The following TRAPPC9 variants were observed in gnomAD, a reference collection of about 807,000 sequenced individuals.
TRAPPC9 encodes the protein IKK2 binding protein.
Under a neutral mutation model 124.0 loss-of-function variants are expected in TRAPPC9, and 83 were observed. The observed-to-expected ratio is 0.67, with a 90% CI of 0.56 to 0.80. TRAPPC9 has a LOEUF of 0.80. TRAPPC9 is among the 30% of genes least tolerant of loss of function. The pLI is 0.00. For synonymous variants in TRAPPC9, 638 were observed against 617.5 expected (o/e 1.03, Z -0.49); for missense variants, 1,302 against 1,508.3 (o/e 0.86, Z 2.27).
intron 9 of TRAPPC9, among the ~76,000 whole-genome samples, chr8:140,349,190 G>A (rs2067447950): frequency 7.2e-6 from 1 of 138,684 alleles, no homozygotes. Flanking sequence ...ACACCAGGGG[G>A]CCGAAGGAGG....
At chr8:139,756,883 G>T in intron 21 of TRAPPC9, among the ~76,000 whole-genome samples, 1 of 130,334 alleles carries the variant, frequency 7.7e-6, no homozygotes, top group Non-Finnish European at 1.6e-5. Context: ...ACAGCAGGTC[G>T]CAGGAGGAGC....
intron 19 of TRAPPC9, among the ~76,000 whole-genome samples, chr8:139,951,036 G>C (rs1834609856): frequency 6.6e-6 from 1 of 152,172 alleles, no homozygotes; most frequent in Non-Finnish European, 1.5e-5. Flanking sequence ...GCCAGACCCA[G>C]GCGCGCACAT....
intron 15 of TRAPPC9, among the ~76,000 whole-genome samples, chr8:140,267,810 G>A (rs1294022218): frequency 6.6e-6 from 1 of 152,124 alleles, no homozygotes; most frequent in Non-Finnish European, 1.5e-5. Context: ...GGGATTACAG[G>A]TGCCCACCAC....
intron 18 of TRAPPC9, among the ~76,000 whole-genome samples, chr8:139,990,869 G>A (rs1837595288): frequency 6.6e-6 from 1 of 152,188 alleles, no homozygotes; most frequent in Non-Finnish European, 1.5e-5. Context: ...TTACAGGGGT[G>A]AGCCACGGCA....
At chr8:140,098,279 C>G (rs1270539047) in intron 17 of TRAPPC9, 2 of 152,108 alleles carry the variant, frequency 1.3e-5, no homozygotes, top group African/African-American at 2.4e-5. Context: ...CAGAGCCACC[C>G]AGATCCTCCG....
intron 11 of TRAPPC9, among the ~76,000 whole-genome samples, chr8:140,299,052 G>A (rs1019792041): frequency 6.6e-6 from 1 of 152,198 alleles, no homozygotes; most frequent in Non-Finnish European, 1.5e-5. Context: ...CCTGCAAGGC[G>A]CTGGGATCAG....
intron 17 of TRAPPC9, among the ~76,000 whole-genome samples, chr8:140,113,542 C>T (rs1032667334): frequency 1.1e-4 from 17 of 152,194 alleles, no homozygotes; most frequent in African/African-American, 4.1e-4. Flanking sequence ...GGAGCAGGCA[C>T]CTGCCTGGCC....
intron 17 of TRAPPC9, among the ~76,000 whole-genome samples, chr8:140,133,483 T>C (rs2061241251): frequency 6.6e-6 from 1 of 152,220 alleles, no homozygotes; most frequent in Non-Finnish European, 1.5e-5. Context: ...GACTGAAAGC[T>C]TCCCCTAAGA....
chr8:140,005,751 G>C (rs889208465), intron 18 of TRAPPC9, among the ~76,000 whole-genome samples: 1 of 151,810 alleles, frequency 6.6e-6, no homozygotes, highest in African/African-American at 2.4e-5. Context: ...TAAGAAAATA[G>C]GGGGAAAGGT....
intron 19 of TRAPPC9, among the ~76,000 whole-genome samples, chr8:139,928,351 G>A (rs1219589439): frequency 1.3e-5 from 2 of 152,158 alleles, no homozygotes; most frequent in African/African-American, 4.8e-5. Flanking sequence ...AATTAGCTGG[G>A]TGTGGTGGTG....
intron 21 of TRAPPC9, among the ~76,000 whole-genome samples, chr8:139,805,130 T>C (rs983233573): frequency 5.9e-5 from 9 of 152,244 alleles, no homozygotes; most frequent in Non-Finnish European, 8.8e-5. Flanking sequence ...GGTCAGACTA[T>C]AGCTCTCTCC....
intron 1 of TRAPPC9, among the ~76,000 whole-genome samples, 191 bp downstream of exon 1, chr8:140,457,448 G>T (rs985569889): frequency 6.6e-6 from 1 of 152,212 alleles, no homozygotes; most frequent in Non-Finnish European, 1.5e-5. Flanking sequence ...CAGGAGCAAG[G>T]GCGCCTCGAG....
intron 17 of TRAPPC9, among the ~76,000 whole-genome samples, chr8:140,194,729 A>G (rs751068250): frequency 3.3e-5 from 5 of 152,158 alleles, no homozygotes; most frequent in African/African-American, 4.8e-5. Context: ...TAAAATCCCT[A>G]TGAGCATTTG....
At chr8:139,905,887 G>A (rs1831327603) in intron 20 of TRAPPC9, among the ~76,000 whole-genome samples, 1 of 152,012 alleles carries the variant, frequency 6.6e-6, no homozygotes, top group South Asian at 2.1e-4. Flanking sequence ...GAGGTCAGGA[G>A]ATTCAGACCA....
intron 9 of TRAPPC9, among the ~76,000 whole-genome samples, chr8:140,354,241 T>A (rs1335106822): frequency 6.6e-6 from 1 of 152,194 alleles, no homozygotes; most frequent in Non-Finnish European, 1.5e-5. Context: ...CAGGTTTGCA[T>A]GCACAACCCA....
At chr8:140,201,422 T>C (rs2062786690) in intron 17 of TRAPPC9, among the ~76,000 whole-genome samples, 2 of 152,160 alleles carry the variant, frequency 1.3e-5, no homozygotes, top group Admixed American at 6.5e-5. Flanking sequence ...AACAAAACTG[T>C]TTCTGGATTT....
chr8:139,982,898 C>A (rs1435832559), intron 19 of TRAPPC9, among the ~76,000 whole-genome samples: 1 of 152,230 alleles, frequency 6.6e-6, no homozygotes, highest in Admixed American at 6.5e-5. Context: ...CTCCCCTCCA[C>A]CATGCTGCTC....
chr8:140,041,353 C>A (rs146654331), intron 17 of TRAPPC9, among the ~76,000 whole-genome samples: 167 of 152,328 alleles, frequency 1.1e-3, no homozygotes, highest in African/African-American at 3.9e-3. Context: ...GTTCAAACAG[C>A]GTACACCTGC....
chr8:139,929,907 C>G (rs1248904207), intron 19 of TRAPPC9, among the ~76,000 whole-genome samples: 1 of 152,234 alleles, frequency 6.6e-6, no homozygotes, highest in Non-Finnish European at 1.5e-5. Context: ...CTGCCTCAGA[C>G]CCTTCCATGT....
Sources: gnomAD v4.1 joint callset for allele counts (sites outside exome capture counted in the v4.1 genomes callset) on GRCh38, gnomAD v4.1.1 for gene constraint, MANE v1.5 for transcripts, NCBI Gene and HGNC (gene_info 2026-07-23, HGNC 2026-07-21) for gene names.